Variants in NUP188 observed in about 807,000 individuals in gnomAD.
The protein encoded by NUP188 is nucleoporin NUP188.
NUP188 carries 97 observed loss-of-function variants against 223.0 expected under a neutral mutation model. That is an observed-to-expected ratio of 0.43 (90% CI 0.37 to 0.51). The LOEUF (loss-of-function observed/expected upper bound fraction) is 0.51, where lower values mean the gene tolerates loss of function less well. Ranked by LOEUF, NUP188 falls within the 20% of genes least tolerant of loss-of-function variation. The probability of loss-of-function intolerance (pLI) is 0.00; values close to 1 mark genes in which losing one functional copy is unlikely to be tolerated. For missense variants in NUP188, 1,947 were observed against 2,175.6 expected (o/e 0.89, Z 2.09); for synonymous variants, 869 against 828.0 (o/e 1.05, Z -0.85).
At chr9:128,961,158 A>G (rs1841944751) in intron 8 of NUP188, among the ~76,000 whole-genome samples, 1 of 150,876 alleles carries the variant, frequency 6.6e-6, no homozygotes, top group Non-Finnish European at 1.5e-5. Flanking sequence ...TGTCTCTAGT[A>G]AAAAAATATA....
At chr9:128,988,361 T>C (rs1842367984) in intron 24 of NUP188, among the ~76,000 whole-genome samples, 175 bp downstream of exon 24, 1 of 152,238 alleles carries the variant, frequency 6.6e-6, no homozygotes, top group South Asian at 2.1e-4. Flanking sequence ...AAGGACTAGA[T>C]GGTACTTTAT....
chr9:128,957,984 C>G (rs1324743069), intron 5 of NUP188, 26 bp from the exon 6 acceptor site: 1 of 1,600,336 alleles, frequency 6.2e-7, no homozygotes, highest in Admixed American at 1.7e-5. Context: ...AAGATGGCCT[C>G]TTAACTGCTC....
Position 129,006,581 on chromosome 9 carries a change from C to T in NUP188, c.5153C>T (p.Pro1718Leu), listed in dbSNP as rs564506539. ...SSPATGVLPS[P>L]QGKSTSLSKA... ...CCTGCCACTGGTGTCCTCCCCTCGC[C>T]GCAGGGCAAGTCCACCTCTCTCTCC... Residue 1718 changes from proline (P) to leucine (L), a missense_variant, in exon 44 of 44, where the codon CCG (proline) becomes CTG (leucine). By Grantham distance (98) the Pro-to-Leu change is moderately conservative (BLOSUM62 -3). This residue lies in a region of NUP188 where 905 missense variants were observed against 990.6 expected (regional missense o/e 0.91). Transcript: ENST00000372577. The T allele has an allele frequency of 3.7e-6, 6 of 1,614,218 alleles. No homozygotes were observed. Among genetic ancestry groups the T allele is most frequent in the African/African-American group, 1.3e-5 (1 of 75,052 alleles).
rs1841735169 is a variant in NUP188, at chr9:128,948,959, T to C, written c.33-230T>C. On this transcript the variant is annotated intron_variant, in intron 1 of 43. Transcript: ENST00000372577. Reference sequence around the variant, plus strand: ...CCAGGATGGTCTCGATCTTCTGACCTCATGATCCGCCCGCCTCGACCTCCC... The same window carrying C: ...CCAGGATGGTCTCGATCTTCTGACCCCATGATCCGCCCGCCTCGACCTCCC... 3.3e-5 allele frequency: 12 copies of C among 363,916 alleles called. No individual in the cohort carries two copies. The South Asian group carries it at 3.5e-4, about 11-fold the overall frequency. 22.5% of individuals were successfully genotyped at this position (363,916 alleles called of 1,614,324 possible).
chr9:128,949,631 C>G (rs1029205787), intron 2 of NUP188, among the ~76,000 whole-genome samples: 1 of 148,182 alleles, frequency 6.7e-6, no homozygotes. Context: ...CACACCTGGC[C>G]TATTTATTTA....
chr9:128,994,250 T>C (rs1388214081), intron 27 of NUP188, 123 bp from the exon 28 acceptor site: 4 of 703,608 alleles, frequency 5.7e-6, no homozygotes, highest in Admixed American at 2.3e-5. Flanking sequence ...AACTGACTTA[T>C]CAGACACATA....
chr9:128,977,508 C>T (rs1842192794), intron 12 of NUP188, among the ~76,000 whole-genome samples: 1 of 151,802 alleles, frequency 6.6e-6, no homozygotes, highest in African/African-American at 2.4e-5. Context: ...AAGGATAAAA[C>T]AATTAAAGAC....
intron 8 of NUP188, among the ~76,000 whole-genome samples, chr9:128,967,898 C>T (rs1225672092): frequency 1.3e-5 from 2 of 152,064 alleles, no homozygotes; most frequent in African/African-American, 4.8e-5. Flanking sequence ...TGGGTCAAAG[C>T]TGCAGTGAGC....
At chr9:128,999,141 C>T (rs1842589699) in intron 32 of NUP188, 31 bp from the exon 33 acceptor site, 1 of 1,605,920 alleles carries the variant, frequency 6.2e-7, no homozygotes, top group South Asian at 1.1e-5. Flanking sequence ...GCATGAGCCA[C>T]CACGCCTGGC....
Position 128,958,793 on chromosome 9 carries a change from G to A in NUP188, c.373-9G>A. The A allele has an allele frequency of 6.5e-7, 1 of 1,536,636 alleles. No individual in the cohort carries two copies. The highest frequency in any genetic ancestry group is 8.9e-7 in the Non-Finnish European group (1 of 1,128,322). On this transcript the variant is annotated splice_polypyrimidine_tract_variant and intron_variant, in intron 6 of 43. Transcript: ENST00000372577. ...GTGAGTAACTGATTTTGAATTTTGG[G>A]TTCCTCAGATTGCAGATTATTATTA...
At chr9:128,995,611 T>C (rs1168633744) in intron 30 of NUP188, 97 bp downstream of exon 30, 1 of 1,066,494 alleles carries the variant, frequency 9.4e-7, no homozygotes, top group Non-Finnish European at 1.4e-6. Context: ...GAAGAATTAA[T>C]CAGGGTTTAT....
chr9:128,979,238 A>G (rs1202267706), intron 12 of NUP188, 24 bp from the exon 13 acceptor site: 4 of 1,584,358 alleles, frequency 2.5e-6, no homozygotes, highest in Non-Finnish European at 3.5e-6. Context: ...AAAATGATCC[A>G]TTTTTCTTCC....
intron 19 of NUP188, among the ~76,000 whole-genome samples, chr9:128,984,123 G>GTTTTTTTTTTTTTTTTTTTTTTTTTTTT (rs1564560013): frequency 9.4e-6 from 1 of 106,526 alleles, no homozygotes; most frequent in African/African-American, 5.9e-5. Flanking sequence ...CGCCTGGCCT[G>GTTTTTTTTTTTTTTTTTTTTTTTTTTTT]ATTTTTTTTT....
intron 38 of NUP188, among the ~76,000 whole-genome samples, chr9:129,004,281 CAAAAA>C (rs560251172): frequency 4.5e-5 from 4 of 89,676 alleles, no homozygotes; most frequent in Admixed American, 4.2e-4. Context: ...GACTCCGTCT[CAAAAA>C]AAAAAAAAAA....
intron 13 of NUP188, 88 bp downstream of exon 13, chr9:128,979,415 C>G: frequency 1.1e-6 from 1 of 878,958 alleles, no homozygotes; most frequent in Admixed American, 2.2e-5. Flanking sequence ...CATTCATGTG[C>G]ATTTTCTCAT....
intron 11 of NUP188, among the ~76,000 whole-genome samples, chr9:128,971,274 G>T (rs1252114714): frequency 5.9e-5 from 9 of 152,206 alleles, no homozygotes; most frequent in South Asian, 4.1e-4. Context: ...TGCCAGTAAA[G>T]TATGTCTTAA....
intron 3 of NUP188, among the ~76,000 whole-genome samples, chr9:128,955,820 C>T (rs1157811805): frequency 6.6e-6 from 1 of 151,400 alleles, no homozygotes; most frequent in Non-Finnish European, 1.5e-5. Flanking sequence ...AAAGCAGGAT[C>T]TGGGTGCTGC....
In NUP188 at chr9:128,995,567, T is replaced by G. The variant is rs1233131277; in HGVS notation, c.3351+53T>G. Reference sequence around the variant, plus strand: ...CTTTGGTACCTTAGCAATGATGTGTTGACATGAGCCTAGCAGATACAGCTC... The same window carrying G: ...CTTTGGTACCTTAGCAATGATGTGTGGACATGAGCCTAGCAGATACAGCTC... On this transcript the variant is annotated intron_variant, in intron 30 of 43. Transcript: ENST00000372577. 2.8e-6 allele frequency: 4 copies of G among 1,445,396 alleles called. No individual in the cohort carries two copies. In the African/African-American group the frequency reaches 4.3e-5, roughly 15 times the overall value. The allele number at this position is 1,445,396 out of a possible 1,614,324, so 89.5% of individuals were successfully genotyped here.
At chr9:129,004,801 C>A (rs1842747520) in intron 38 of NUP188, 1 of 283,238 alleles carries the variant, frequency 3.5e-6, no homozygotes, top group Admixed American at 4.8e-5. Context: ...CCGCACCCGG[C>A]CTCATCTTCT....
Sources: allele counts gnomAD v4.1 joint callset (sites outside exome capture counted in the v4.1 genomes callset), GRCh38; gene constraint gnomAD v4.1.1; regional missense constraint gnomAD v4.1.1; transcripts MANE v1.5; gene names NCBI Gene and HGNC (gene_info 2026-07-23, HGNC 2026-07-21).